Variants in DCBLD2 observed in about 807,000 individuals in gnomAD.
The protein encoded by DCBLD2 is discoidin, CUB and LCCL domain-containing protein 2.
Under a neutral mutation model 86.8 loss-of-function variants are expected in DCBLD2, and 54 were observed. The ratio of observed to expected loss-of-function variants is 0.62; its 90% CI spans 0.50 to 0.78. DCBLD2 has a LOEUF of 0.78. Among genes scored for constraint, DCBLD2 ranks in the 30% least tolerant of loss-of-function variants. DCBLD2 has a pLI of 0.00. For synonymous variants in DCBLD2, 354 were observed against 341.3 expected (o/e 1.04, Z -0.41); for missense variants, 908 against 954.2 (o/e 0.95, Z 0.64).
chr3:98,860,321 C>T (rs1488809158), intron 2 of DCBLD2, among the ~76,000 whole-genome samples: 1 of 152,172 alleles, frequency 6.6e-6, no homozygotes, highest in African/African-American at 2.4e-5. Flanking sequence ...TCCAGGAGAA[C>T]TTCCCCAACC....
chr3:98,835,533 G>A (rs1418001519), intron 3 of DCBLD2, among the ~76,000 whole-genome samples: 3 of 147,510 alleles, frequency 2.0e-5, no homozygotes, highest in African/African-American at 7.5e-5. Context: ...CTCTCACTCC[G>A]TATGCTATTT....
intron 2 of DCBLD2, among the ~76,000 whole-genome samples, chr3:98,859,872 G>A (rs971826938): frequency 1.1e-4 from 16 of 152,206 alleles, no homozygotes; most frequent in Non-Finnish European, 2.4e-4. Context: ...AAGCTGGACG[G>A]AGAATGACTT....
At chr3:98,900,737 G>A (rs1338663825) in intron 1 of DCBLD2, 1 of 250,906 alleles carries the variant, frequency 4.0e-6, no homozygotes, top group African/African-American at 2.3e-5. Context: ...ATAGGCTTAA[G>A]ATGCTATTTA....
rs1432942238 is a variant in DCBLD2, at chr3:98,797,818, G to A, written c.*1554C>T. On this transcript the variant is annotated 3_prime_UTR_variant, in exon 16 of 16. Transcript: ENST00000326840. ...CTTTATTCAAATTGAGTGAATTCTG[G>A]CAACATCATAATCTGGTGGCTCAGG... is the stretch of plus-strand genomic sequence containing the variant. The A allele has an allele frequency of 3.9e-5, 6 of 152,118 alleles. No homozygotes were observed. Among genetic ancestry groups the A allele is most frequent in the Non-Finnish European group, 1.5e-5 (1 of 68,020 alleles). The allele number at this position is 152,118 out of a possible 1,614,324, so 9.4% of individuals were successfully genotyped here.
intron 2 of DCBLD2, among the ~76,000 whole-genome samples, chr3:98,858,232 G>T (rs77561151): frequency 6.6e-6 from 1 of 152,214 alleles, no homozygotes; most frequent in Non-Finnish European, 1.5e-5. Context: ...GGGGCCTGCC[G>T]AGCCCACACA....
At chr3:98,886,920 CTAAT>C (rs1379244750) in intron 1 of DCBLD2, among the ~76,000 whole-genome samples, 3 of 150,000 alleles carry the variant, frequency 2.0e-5, no homozygotes, top group Non-Finnish European at 4.4e-5. Context: ...TTAGGCTACT[CTAAT>C]TAAACTCCAA....
chr3:98,812,877 A>G (rs532602780), intron 9 of DCBLD2: 2 of 153,578 alleles, frequency 1.3e-5, no homozygotes, highest in South Asian at 2.0e-4. Context: ...AACAAAATTG[A>G]TCATGCCAAG....
At chr3:98,825,918 G>C (rs1254344550) in intron 3 of DCBLD2, among the ~76,000 whole-genome samples, 4 of 151,984 alleles carry the variant, frequency 2.6e-5, no homozygotes, top group Admixed American at 6.5e-5. Context: ...TGGAAATTTA[G>C]TAGAAATTCA....
chr3:98,811,434 G>A, intron 11 of DCBLD2, 34 bp downstream of exon 11: 4 of 1,612,662 alleles, frequency 2.5e-6, no homozygotes, highest in East Asian at 2.2e-5. Flanking sequence ...TAAATCCAAG[G>A]AATATCAAAT....
At chr3:98,839,890 A>G (rs1421207373) in intron 3 of DCBLD2, among the ~76,000 whole-genome samples, 1 of 152,242 alleles carries the variant, frequency 6.6e-6, no homozygotes, top group Non-Finnish European at 1.5e-5. Flanking sequence ...ATCACTGTGA[A>G]GATGACATTT....
rs1943320182 is a variant in DCBLD2 at position 98,873,831 on chromosome 3, T to C, written c.433+7709A>G. 2.0e-5 allele frequency among the ~76,000 whole-genome samples: 3 copies of C among 152,096 alleles called. No homozygotes were observed. The South Asian group carries it at 6.2e-4, about 32-fold the overall frequency. On this transcript the variant is annotated intron_variant, in intron 2 of 15. Transcript: ENST00000326840. ...TTGGAAAAATTTAACAGAATAGGCA[T>C]GCCCCTAGCTAATTTAATGAAAAAA...
At position 98,820,269 on chromosome 3, in the gene DCBLD2, G is replaced by T. The variant is rs763216949; in HGVS notation, c.850C>A (p.Leu284Ile). The T allele has an allele frequency of 5.0e-5, 74 of 1,471,420 alleles. No individual in the cohort carries two copies. The highest frequency in any genetic ancestry group is 5.0e-5 in the South Asian group (3 of 60,000). 91.1% of individuals were successfully genotyped at this position (1,471,420 alleles called of 1,614,324 possible). Residue 284 changes from leucine (L) to isoleucine (I), a missense_variant, in exon 7 of 16, where the codon CTT becomes ATT. Leu to Ile is a conservative substitution (Grantham distance 5). This residue lies in a region of DCBLD2 where 606 missense variants were observed against 678.5 expected (regional missense o/e 0.89). Coordinates refer to ENST00000326840, the MANE Select transcript of DCBLD2 (RefSeq NM_080927.4). ...TSVVGHLSTS[L>I]FTFKTSGCYG... is the part of the protein sequence containing the mutation. ...TTACCACTTGTCTTAAATGTAAAAAGACTTGTAGATAAGTGTCCCCTGAAA... is the reference window on the plus strand; with the variant it reads ...TTACCACTTGTCTTAAATGTAAAAATACTTGTAGATAAGTGTCCCCTGAAA...
At chr3:98,825,823 AAG>A (rs1298149751) in intron 3 of DCBLD2, among the ~76,000 whole-genome samples, 2 of 151,970 alleles carry the variant, frequency 1.3e-5, no homozygotes, top group Non-Finnish European at 1.5e-5. Context: ...AATAATGACA[AAG>A]AGAGTTAATT....
At chr3:98,814,006 T>C (rs1186898928) in intron 9 of DCBLD2, 1 of 152,170 alleles carries the variant, frequency 6.6e-6, no homozygotes, top group Non-Finnish European at 1.5e-5. Flanking sequence ...ACTAGGTAGT[T>C]TCTAAAGACC....
intron 2 of DCBLD2, among the ~76,000 whole-genome samples, chr3:98,857,878 C>A (rs903917163): frequency 3.3e-5 from 5 of 152,258 alleles, no homozygotes; most frequent in Non-Finnish European, 7.3e-5. Context: ...TTCTCCAAGT[C>A]CCCACCAGAC....
At chr3:98,851,012 A>G (rs2107486107) in intron 2 of DCBLD2, among the ~76,000 whole-genome samples, 1 of 152,346 alleles carries the variant, frequency 6.6e-6, no homozygotes, top group South Asian at 2.1e-4. Context: ...AAAAACTGGA[A>G]GCATTCCCTT....
At chr3:98,844,384 T>C (rs1018303681) in intron 3 of DCBLD2, among the ~76,000 whole-genome samples, 2 of 148,726 alleles carry the variant, frequency 1.3e-5, no homozygotes, top group East Asian at 3.9e-4. Context: ...TGGGATAGAG[T>C]TTCATTCTTG....
intron 1 of DCBLD2, among the ~76,000 whole-genome samples, chr3:98,893,195 A>G (rs1385673955): frequency 6.6e-6 from 1 of 152,176 alleles, no homozygotes; most frequent in Non-Finnish European, 1.5e-5. Context: ...TGATTCATTC[A>G]TTGAACAAAA....
At chr3:98,896,143 C>T (rs539608471) in intron 1 of DCBLD2, among the ~76,000 whole-genome samples, 24 of 152,324 alleles carry the variant, frequency 1.6e-4, no homozygotes, top group African/African-American at 4.3e-4. Flanking sequence ...TCAGGGTGCA[C>T]GTTCAGCTGG....
Sources: gnomAD v4.1 joint callset for allele counts (sites outside exome capture counted in the v4.1 genomes callset) on GRCh38, gnomAD v4.1.1 for gene constraint, gnomAD v4.1.1 regional missense constraint, MANE v1.5 for transcripts, NCBI Gene and HGNC (gene_info 2026-07-23, HGNC 2026-07-21) for gene names.